Variants in CEP89 observed in about 807,000 individuals in gnomAD.
CEP89 encodes centrosomal protein of 89 kDa.
CEP89 carries 95 observed loss-of-function variants against 97.6 expected under a neutral mutation model. The observed-to-expected ratio is 0.97, with a 90% CI of 0.82 to 1.15. The LOEUF is 1.15. CEP89 is among the 50% of genes most tolerant of loss of function. The pLI is 0.00. For missense variants in CEP89, 869 were observed against 947.7 expected (o/e 0.92, Z 1.09); for synonymous variants, 354 against 349.1 (o/e 1.01, Z -0.16).
rs1353701333 is a variant in CEP89, at chr19:32,915,457, T to A, written c.1445A>T (p.Glu482Val). 4 of 1,613,762 alleles carry A rather than the reference T, an allele frequency of 2.5e-6. No homozygotes were observed. The African/African-American group carries it at 5.3e-5, about 22-fold the overall frequency. Residue 482 changes from glutamate to valine, a missense_variant, in exon 14 of 19, where the codon GAG becomes GTG. Coordinates refer to ENST00000305768, the MANE Select transcript of CEP89 (RefSeq NM_032816.5). ...LEAKTHGQEK[E>V]LAENREQLEI... The stretch of plus-strand genomic sequence containing the variant: ...CAGCTGTTCCCTGTTCTCCGCCAGC[T>A]CCTTTTCCTGGCCGTGGGTTTTTGC...
chr19:32,923,312 T>C (rs1163946362), intron 12 of CEP89, 127 bp downstream of exon 12: 1 of 513,728 alleles, frequency 1.9e-6, no homozygotes, highest in Admixed American at 3.6e-5. Context: ...CTTATTAATT[T>C]CTTAGAAACT....
At chr19:32,946,280 T>C (rs1338013176) in intron 5 of CEP89, among the ~76,000 whole-genome samples, 1 of 152,122 alleles carries the variant, frequency 6.6e-6, no homozygotes, top group Non-Finnish European at 1.5e-5. Context: ...AAACCTGTTA[T>C]TATTAATCAT....
At chr19:32,917,944 T>A in intron 13 of CEP89, 1 of 282,210 alleles carries the variant, frequency 3.5e-6, no homozygotes, top group Non-Finnish European at 5.3e-6. Flanking sequence ...ATTTCTAAGG[T>A]ACTATTTTAC....
intron 4 of CEP89, among the ~76,000 whole-genome samples, chr19:32,948,815 C>T (rs1161607127): frequency 6.6e-6 from 1 of 152,176 alleles, no homozygotes; most frequent in African/African-American, 2.4e-5. Flanking sequence ...GCCTTGACTT[C>T]CCACGTGCAA....
intron 1 of CEP89, 68 bp downstream of exon 1, chr19:32,971,768 C>G: frequency 1.3e-6 from 2 of 1,515,690 alleles, no homozygotes; most frequent in Non-Finnish European, 1.8e-6. Flanking sequence ...CCCCAACCCG[C>G]CCCAACACTT....
At chr19:32,914,651 C>G (rs1970082130) in intron 14 of CEP89, among the ~76,000 whole-genome samples, 1 of 152,132 alleles carries the variant, frequency 6.6e-6, no homozygotes, top group African/African-American at 2.4e-5. Flanking sequence ...CACAAACACC[C>G]AAAGTGCAGA....
At chr19:32,883,016 A>G (rs113479494) in intron 17 of CEP89, among the ~76,000 whole-genome samples, 49,862 of 151,282 alleles carry the variant, frequency 0.33, 8,538 homozygotes, top group African/African-American at 0.37. Flanking sequence ...CCACCACCAC[A>G]CCTGGTTAAT....
chr19:32,962,748 T>C (rs56034367), intron 2 of CEP89, among the ~76,000 whole-genome samples: 17,657 of 152,182 alleles, frequency 0.12, 1,168 homozygotes, highest in East Asian at 0.24. Context: ...ATTGATACTA[T>C]ATAATGAACC....
intron 6 of CEP89, among the ~76,000 whole-genome samples, 191 bp downstream of exon 6, chr19:32,939,666 A>C (rs1189533971): frequency 5.8e-5 from 8 of 137,118 alleles, no homozygotes; most frequent in South Asian, 4.8e-4. Flanking sequence ...TGACAGTGAG[A>C]CCCCCTTCTC....
chr19:32,939,336 T>C (rs751715063), intron 6 of CEP89, among the ~76,000 whole-genome samples: 1 of 152,182 alleles, frequency 6.6e-6, no homozygotes, highest in Non-Finnish European at 1.5e-5. Context: ...CTTTAATACA[T>C]TACTTTCATC....
rs897219793 is a variant in CEP89, at chr19:32,877,350, AG to A, written c.*1811del. 1 of 152,232 alleles carries A rather than the reference AG, an allele frequency of 6.6e-6. No individual in the cohort carries two copies. The highest frequency in any genetic ancestry group is 2.4e-5 in the African/African-American group (1 of 41,446). 9.4% of individuals were successfully genotyped at this position (152,232 alleles called of 1,614,324 possible). A position where few individuals can be genotyped will look rare whatever the true frequency, so the allele number is the denominator to read the frequency against. On this transcript the variant is annotated 3_prime_UTR_variant, in exon 19 of 19. Coordinates refer to ENST00000305768, the MANE Select transcript of CEP89 (RefSeq NM_032816.5). ...TGAAACAAGGCAGGACTTCACTGCG[AG>A]GGGCTCTGAAAAGGAGATGCTGCAG...
At chr19:32,938,582 T>G (rs560951442) in intron 6 of CEP89, among the ~76,000 whole-genome samples, 1 of 152,246 alleles carries the variant, frequency 6.6e-6, no homozygotes, top group Non-Finnish European at 1.5e-5. Context: ...GTTTAATTTT[T>G]AAGTTCCTAT....
intron 11 of CEP89, among the ~76,000 whole-genome samples, chr19:32,925,506 T>TCCC (rs201035587): frequency 1.6e-5 from 2 of 128,584 alleles, no homozygotes; most frequent in Non-Finnish European, 3.3e-5. Flanking sequence ...TTTTTTTTTT[T>TCCC]CGAGACGGAG....
At chr19:32,948,878 C>T (rs970526436) in intron 4 of CEP89, among the ~76,000 whole-genome samples, 5 of 152,166 alleles carry the variant, frequency 3.3e-5, no homozygotes, top group African/African-American at 1.2e-4. Context: ...GCGTGCACCA[C>T]CACAACCAGG....
intron 15 of CEP89, 57 bp downstream of exon 15, chr19:32,901,188 T>C: frequency 6.5e-7 from 1 of 1,548,416 alleles, no homozygotes; most frequent in Admixed American, 1.8e-5. Flanking sequence ...ACCCAGACCA[T>C]TTGTCTTTTT....
intron 12 of CEP89, among the ~76,000 whole-genome samples, 179 bp downstream of exon 12, chr19:32,923,260 G>A (rs779475025): frequency 2.0e-5 from 3 of 152,158 alleles, no homozygotes; most frequent in Non-Finnish European, 2.9e-5. Flanking sequence ...AAGTCATCTT[G>A]AAAATGTAAG....
chr19:32,934,973 T>C (rs1300328292), intron 7 of CEP89, among the ~76,000 whole-genome samples: 1 of 152,024 alleles, frequency 6.6e-6, no homozygotes, highest in African/African-American at 2.4e-5. Flanking sequence ...TAAATAAAAT[T>C]ATATTTAAAA....
chr19:32,884,928 T>C lies in CEP89; in HGVS notation c.1965+2824A>G, dbSNP rs553531193. Among the ~76,000 whole-genome samples the C allele has an allele frequency of 7.9e-5, 12 of 152,334 alleles. No homozygotes were observed. In the South Asian group the frequency reaches 2.1e-3, roughly 26 times the overall value. On this transcript the variant is annotated intron_variant, in intron 17 of 18. Coordinates refer to ENST00000305768, the MANE Select transcript of CEP89 (RefSeq NM_032816.5). ...TGGCTTTATTCTTACGCCTTTATAT[T>C]ACATGTTCTTAGTCCCCTGTTTTTA...
At chr19:32,879,538 G>A (rs1219883979) in intron 18 of CEP89, among the ~76,000 whole-genome samples, 160 bp from the exon 19 acceptor site, 3 of 152,220 alleles carry the variant, frequency 2.0e-5, no homozygotes, top group African/African-American at 7.2e-5. Context: ...GAATGAAGCA[G>A]CTGGTGCCCT....
Sources: allele counts gnomAD v4.1 joint callset (sites outside exome capture counted in the v4.1 genomes callset), GRCh38; gene constraint gnomAD v4.1.1; transcripts MANE v1.5; gene names NCBI Gene and HGNC (gene_info 2026-07-23, HGNC 2026-07-21).